Variants in ABR observed in about 807,000 individuals in gnomAD.
ABR encodes ABR activator of RhoGEF and GTPase, also known as active breakpoint cluster region-related protein.
Under a neutral mutation model 107.2 loss-of-function variants are expected in ABR, and 35 were observed. That is an observed-to-expected ratio of 0.33 (90% CI 0.25 to 0.43). The LOEUF is 0.43. Ranked by LOEUF, ABR falls within the 20% of genes least tolerant of loss-of-function variation. ABR has a pLI of 1.00. For missense variants in ABR, 815 were observed against 1,115.2 expected, an observed-to-expected ratio of 0.73 and a Z score of 3.83; for synonymous variants, 498 against 462.0, an observed-to-expected ratio of 1.08 and a Z score of -1.00.
At chr17:1,077,823 C>T (rs543416026) in intron 6 of ABR, among the ~76,000 whole-genome samples, 3 of 152,298 alleles carry the variant, frequency 2.0e-5, no homozygotes, top group Admixed American at 1.3e-4. Flanking sequence ...TAAAACCAGC[C>T]GCCTGCTGCT....
chr17:1,159,133 A>G (rs2041157766), intron 1 of ABR, among the ~76,000 whole-genome samples: 1 of 152,202 alleles, frequency 6.6e-6, no homozygotes, highest in Non-Finnish European at 1.5e-5. Flanking sequence ...ATATTAAACT[A>G]CTGTCTTAGT....
At position 1,005,373 on chromosome 17, in the gene ABR, C is replaced by T; in HGVS notation, c.*707G>A. On this transcript the variant is annotated 3_prime_UTR_variant, in exon 23 of 23. Coordinates refer to ENST00000302538, the MANE Select transcript of ABR (RefSeq NM_021962.5). ...ATGGGCGCTCCAGCTCTGTGCTAAG[C>T]TGGGGACGAGTGTGAGTGTGTCTGC... The T allele has an allele frequency of 7.7e-6, 3 of 387,292 alleles. No individual in the cohort carries two copies. The highest frequency in any genetic ancestry group is 1.4e-5 in the Non-Finnish European group (3 of 219,412). 24.0% of individuals were successfully genotyped at this position (387,292 alleles called of 1,614,324 possible). A position where few individuals can be genotyped will look rare whatever the true frequency, so the allele number is the denominator to read the frequency against.
chr17:1,123,624 T>C (rs1356534093), intron 2 of ABR, among the ~76,000 whole-genome samples: 2 of 152,186 alleles, frequency 1.3e-5, no homozygotes, highest in Non-Finnish European at 2.9e-5. Flanking sequence ...GCAAAGACCC[T>C]GGCCCCACAC....
At chr17:1,112,985 A>AC (rs111545931) in intron 2 of ABR, among the ~76,000 whole-genome samples, 61 of 61,722 alleles carry the variant, frequency 9.9e-4, no homozygotes, top group African/African-American at 1.9e-3. Context: ...GCATTTGTTA[A>AC]CGCCTGACCC....
chr17:1,146,868 CCATTGCT>C (rs2040573608), intron 1 of ABR, among the ~76,000 whole-genome samples: 1 of 146,846 alleles, frequency 6.8e-6, no homozygotes, highest in Admixed American at 6.7e-5. Context: ...ACCACTGCCA[CCATTGCT>C]ACATGACACC....
intron 2 of ABR, among the ~76,000 whole-genome samples, chr17:1,123,745 A>G (rs1269092511): frequency 6.6e-6 from 1 of 151,998 alleles, no homozygotes; most frequent in Non-Finnish European, 1.5e-5. Flanking sequence ...CAGAGATGGG[A>G]GCGAGAGTCT....
At position 1,078,958 on chromosome 17, in the gene ABR, C is replaced by A; in HGVS notation, c.700+372G>T. ...CACTCAGCCACCTTGCTGATGCTGC[C>A]GCACGGACTCCAGCATCGGGCAGCC... On this transcript the variant is annotated intron_variant, in intron 6 of 22. Transcript: ENST00000302538. The surrounding 1 kb of genome is among the most constrained non-coding windows in gnomAD (Gnocchi z 7.5). 3 of 1,517,772 alleles carry A rather than the reference C, an allele frequency of 2.0e-6. No individual in the cohort carries two copies. Among genetic ancestry groups the A allele is most frequent in the Non-Finnish European group, 2.6e-6 (3 of 1,136,140 alleles). 94.0% of individuals were successfully genotyped at this position (1,517,772 alleles called of 1,614,324 possible).
chr17:1,173,139 C>G (rs1337227387), intron 1 of ABR, among the ~76,000 whole-genome samples: 2 of 121,094 alleles, frequency 1.7e-5, no homozygotes, highest in African/African-American at 6.4e-5. Flanking sequence ...CCCCACACAT[C>G]ACCTCAGTCC....
At chr17:1,139,311 G>C (rs1213311633) in intron 1 of ABR, among the ~76,000 whole-genome samples, 1 of 152,180 alleles carries the variant, frequency 6.6e-6, no homozygotes, top group African/African-American at 2.4e-5. Context: ...GAGTGCAGTG[G>C]CGCCATCTCG....
upstream of ABR, among the ~76,000 whole-genome samples, chr17:1,190,027 T>C (rs921497558): frequency 2.0e-5 from 3 of 152,176 alleles, no homozygotes; most frequent in Non-Finnish European, 1.5e-5. Flanking sequence ...GGTTGAGACG[T>C]CGCGTCGAGA....
intron 1 of ABR, among the ~76,000 whole-genome samples, chr17:1,142,959 G>A (rs1265231149): frequency 6.7e-6 from 1 of 150,138 alleles, no homozygotes; most frequent in South Asian, 2.1e-4. Flanking sequence ...CTCCTGGGAG[G>A]AAGCTCACTC....
chr17:1,012,827 CCCCAGGGTGTGAGTG>C (rs1715354987), intron 17 of ABR, 30 bp from the exon 18 acceptor site: 1 of 1,532,114 alleles, frequency 6.5e-7, no homozygotes, highest in African/African-American at 1.4e-5. Flanking sequence ...GGTAAAGATT[CCCCAGGGTGTGAGTG>C]CCCGAGGAAT....
chr17:1,035,161 G>T (rs2073071855), intron 16 of ABR, among the ~76,000 whole-genome samples: 1 of 151,726 alleles, frequency 6.6e-6, no homozygotes, highest in African/African-American at 2.4e-5. Context: ...CAATGGTCTT[G>T]GGTGGAAGAA....
chr17:1,072,885 A>G (rs1046701063), intron 7 of ABR, 131 bp from the exon 8 acceptor site: 14 of 1,259,596 alleles, frequency 1.1e-5, no homozygotes, highest in South Asian at 1.5e-5. Flanking sequence ...AATCTGAACT[A>G]CAAATCAGAG....
chr17:1,036,301 C>T (rs1038367392), intron 16 of ABR, among the ~76,000 whole-genome samples: 2 of 152,090 alleles, frequency 1.3e-5, no homozygotes, highest in African/African-American at 4.8e-5. Context: ...CCCAAGAGGC[C>T]GCCCAGAGAG....
intron 16 of ABR, among the ~76,000 whole-genome samples, chr17:1,020,832 C>A (rs971044165): frequency 2.6e-5 from 4 of 152,152 alleles, no homozygotes; most frequent in Non-Finnish European, 4.4e-5. Context: ...CCTCTCACCC[C>A]CTGGGGCAGG....
At chr17:1,072,044 C>A (rs1405562190) in intron 8 of ABR, among the ~76,000 whole-genome samples, 1 of 152,246 alleles carries the variant, frequency 6.6e-6, no homozygotes, top group Non-Finnish European at 1.5e-5. Context: ...GCTGGCACTA[C>A]AGGCATCCGC....
Position 1,014,294 on chromosome 17 carries a change from A to G in ABR, c.1792-1130T>C, listed in dbSNP as rs1192973326. On this transcript the variant is annotated intron_variant, in intron 16 of 22. Transcript: ENST00000302538. Reference sequence around the variant, plus strand: ...GTCTCTACTAAAAATACAAAAAATTAGCCGGGCGTGGTGGCGGGCGCCTGT... The same window carrying G: ...GTCTCTACTAAAAATACAAAAAATTGGCCGGGCGTGGTGGCGGGCGCCTGT... Among the ~76,000 whole-genome samples the G allele has an allele frequency of 2.1e-5, 3 of 143,180 alleles. No individual in the cohort carries two copies. The Admixed American group carries it at 2.1e-4, about 10-fold the overall frequency. The allele number at this position is 143,180 out of a possible 152,430, so 93.9% of individuals were successfully genotyped here.
chr17:1,031,899 C>G (rs1394234905), intron 16 of ABR: 3 of 1,128,042 alleles, frequency 2.7e-6, no homozygotes, highest in Non-Finnish European at 3.3e-6. Flanking sequence ...TCCCTCCGTC[C>G]GCGTCCCTCC....
Sources: allele counts gnomAD v4.1 joint callset (sites outside exome capture counted in the v4.1 genomes callset), GRCh38; gene constraint gnomAD v4.1.1; non-coding constraint Gnocchi (gnomAD v3.1); transcripts MANE v1.5; gene names NCBI Gene and HGNC (gene_info 2026-07-23, HGNC 2026-07-21).